The following ST7 variants were observed in gnomAD, a reference collection of about 807,000 sequenced individuals.
The protein encoded by ST7 is suppression of tumorigenicity 7.
In ST7, 28 loss-of-function variants were observed where a neutral mutation model predicts 78.7. That is an observed-to-expected ratio of 0.36 (90% confidence interval 0.26 to 0.49). The LOEUF (loss-of-function observed/expected upper bound fraction) is 0.49, where lower values mean the gene tolerates loss of function less well. Ranked by LOEUF, ST7 falls within the 20% of genes least tolerant of loss-of-function variation. The pLI is 0.99. For synonymous variants in ST7, 247 were observed against 249.6 expected (o/e 0.99, Z 0.10); for missense variants, 418 against 696.0 (o/e 0.60, Z 4.49).
chr7:117,229,103 A>G (rs1198952659), intron 15 of ST7, among the ~76,000 whole-genome samples: 1 of 152,242 alleles, frequency 6.6e-6, no homozygotes, highest in Non-Finnish European at 1.5e-5. Flanking sequence ...TATTCTCTAC[A>G]TGAAAAGCAG....
In ST7 at chr7:117,190,229, G is replaced by GA. The variant is rs1238912709; in HGVS notation, c.1152-605_1152-604insA. On this transcript the variant is annotated intron_variant, in intron 11 of 15. Coordinates refer to ENST00000323984, the MANE Select transcript of ST7 (RefSeq NM_001369598.1). The surrounding 1 kb of genome is among the most constrained non-coding windows in gnomAD (Gnocchi z 5.2). ...TGTCACAGCTTCCCCTGTGGTGTCT[G>GA]CCTGCCAAGCACAGCTCTGGAGTTA... 1.2e-5 allele frequency: 2 copies of GA among 167,260 alleles called. No homozygotes were observed. The highest frequency in any genetic ancestry group is 3.8e-4 in the East Asian group (2 of 5,198). The allele number at this position is 167,260 out of a possible 1,614,324, so 10.4% of individuals were successfully genotyped here. A position where few individuals can be genotyped will look rare whatever the true frequency, so the allele number is the denominator to read the frequency against.
intron 5 of ST7, 82 bp downstream of exon 5, chr7:117,130,688 C>T: frequency 2.2e-6 from 2 of 907,672 alleles, no homozygotes; most frequent in East Asian, 5.1e-5. Context: ...AATATCCACT[C>T]TGTAAAACTC....
chr7:117,208,943 GTC>G (rs1792050930), intron 12 of ST7, among the ~76,000 whole-genome samples: 1 of 133,668 alleles, frequency 7.5e-6, no homozygotes, highest in African/African-American at 2.7e-5. Context: ...GTGTGTGTGT[GTC>G]AGGGATGGAT....
chr7:117,139,702 G>A (rs185624391), intron 9 of ST7, among the ~76,000 whole-genome samples: 1 of 152,128 alleles, frequency 6.6e-6, no homozygotes, highest in East Asian at 1.9e-4. Context: ...TTGACTGCAG[G>A]TGATAGATGC....
intron 9 of ST7, among the ~76,000 whole-genome samples, chr7:117,151,920 G>A (rs1806275532): frequency 6.6e-6 from 1 of 151,932 alleles, no homozygotes; most frequent in South Asian, 2.1e-4. Context: ...AGGCATTTGA[G>A]ACCAGTCTGG....
At chr7:117,081,444 G>A (rs1799766337) in intron 1 of ST7, among the ~76,000 whole-genome samples, 1 of 152,078 alleles carries the variant, frequency 6.6e-6, no homozygotes, top group Non-Finnish European at 1.5e-5. Flanking sequence ...TTTTTTCAAT[G>A]TGTTAATCAT....
At chr7:117,070,866 TA>T (rs1484836171) in intron 1 of ST7, among the ~76,000 whole-genome samples, 1 of 152,220 alleles carries the variant, frequency 6.6e-6, no homozygotes, top group Admixed American at 6.5e-5. Flanking sequence ...TTAACAGTAG[TA>T]AATTGTACAC....
intron 1 of ST7, chr7:117,014,978 C>T: frequency 7.3e-7 from 1 of 1,365,758 alleles, no homozygotes; most frequent in Non-Finnish European, 9.5e-7. Context: ...GGAAAATACT[C>T]AGTTTCCTGC....
intron 1 of ST7, among the ~76,000 whole-genome samples, chr7:116,969,608 A>G (rs748773767): frequency 2.0e-5 from 3 of 152,196 alleles, no homozygotes; most frequent in Non-Finnish European, 4.4e-5. Context: ...CACAGGCTGC[A>G]CTTAAGGAAT....
chr7:117,218,824 T>C (rs1792881819), intron 13 of ST7, among the ~76,000 whole-genome samples: 1 of 152,236 alleles, frequency 6.6e-6, no homozygotes, highest in African/African-American at 2.4e-5. Flanking sequence ...TTGATACTGA[T>C]GGCTTCCCAA....
rs1585068474 is a variant in ST7 at position 116,972,850 on chromosome 7, G to A, written c.151+19159G>A. ...ATCAGCTCGCTCCTCTGCATCATCTGCCTGCTGCTGCAGAACCTGGATATT... is the reference window on the plus strand; with the variant it reads ...ATCAGCTCGCTCCTCTGCATCATCTACCTGCTGCTGCAGAACCTGGATATT... On this transcript the variant is annotated intron_variant, in intron 1 of 15. Coordinates refer to ENST00000323984, the MANE Select transcript of ST7 (RefSeq NM_001369598.1). 6 of 1,185,546 alleles carry A rather than the reference G, an allele frequency of 5.1e-6. No homozygotes were observed. The East Asian group carries it at 1.2e-4, about 23-fold the overall frequency. 73.4% of individuals were successfully genotyped at this position (1,185,546 alleles called of 1,614,324 possible). A position where few individuals can be genotyped will look rare whatever the true frequency, so the allele number is the denominator to read the frequency against.
At chr7:117,220,333 C>T (rs1391458770) in intron 14 of ST7, among the ~76,000 whole-genome samples, 23 of 152,120 alleles carry the variant, frequency 1.5e-4, no homozygotes, top group African/African-American at 4.8e-5. Context: ...TGTTTCTCAC[C>T]GTTCGAGTTT....
At position 117,101,492 on chromosome 7, in the gene ST7, T is replaced by C. The variant is rs149217351; in HGVS notation, c.234+1648T>C. On this transcript the variant is annotated intron_variant, in intron 2 of 15. Coordinates refer to ENST00000323984, the MANE Select transcript of ST7 (RefSeq NM_001369598.1). ...CCAGGAGTTAGAATCCCTGAGTTCG[T>C]TGTTTTCATCACCTTGTCCAGTGAA... Among the ~76,000 whole-genome samples, 410 of 152,300 alleles carry C rather than the reference T, an allele frequency of 2.7e-3. 2 individuals are homozygous for C. Among genetic ancestry groups the C allele is most frequent in the African/African-American group, 9.5e-3 (394 of 41,554 alleles).
chr7:117,223,538 C>G (rs1248369865), intron 15 of ST7: 1 of 156,758 alleles, frequency 6.4e-6, no homozygotes, highest in African/African-American at 2.4e-5. Flanking sequence ...TCACCATTCC[C>G]AGATGTACCA....
At chr7:117,063,141 CT>C (rs1798442656) in intron 1 of ST7, among the ~76,000 whole-genome samples, 1 of 152,014 alleles carries the variant, frequency 6.6e-6, no homozygotes, top group South Asian at 2.1e-4. Context: ...ATCTTGTTTG[CT>C]TTTTTGTTTC....
intron 1 of ST7, among the ~76,000 whole-genome samples, chr7:116,980,622 C>T (rs1404452077): frequency 6.6e-6 from 1 of 152,142 alleles, no homozygotes; most frequent in Non-Finnish European, 1.5e-5. Context: ...ATATGGAGGC[C>T]TCTGTAGCAT....
intron 6 of ST7, among the ~76,000 whole-genome samples, chr7:117,132,759 C>A (rs1231029535): frequency 6.6e-6 from 1 of 151,562 alleles, no homozygotes; most frequent in African/African-American, 2.4e-5. Context: ...TTCTGTCATG[C>A]AACATATTTA....
intron 1 of ST7, among the ~76,000 whole-genome samples, chr7:116,968,815 C>T (rs1030110145): frequency 6.6e-6 from 1 of 152,144 alleles, no homozygotes; most frequent in Non-Finnish European, 1.5e-5. Flanking sequence ...TCCCAGGCTG[C>T]TTGGAGAATA....
intron 5 of ST7, among the ~76,000 whole-genome samples, chr7:117,130,867 A>G (rs1804288969): frequency 6.6e-6 from 1 of 151,904 alleles, no homozygotes; most frequent in African/African-American, 2.4e-5. Flanking sequence ...ATTTTAAAGA[A>G]ATATGAATCT....
Sources: allele counts gnomAD v4.1 joint callset (sites outside exome capture counted in the v4.1 genomes callset), GRCh38; gene constraint gnomAD v4.1.1; non-coding constraint Gnocchi (gnomAD v3.1); transcripts MANE v1.5; gene names NCBI Gene and HGNC (gene_info 2026-07-23, HGNC 2026-07-21).